Variants in KIF6 observed in about 807,000 individuals in gnomAD.
KIF6 encodes the protein kinesin family member 6.
Under a neutral mutation model 112.7 loss-of-function variants are expected in KIF6, and 106 were observed. The ratio of observed to expected loss-of-function variants is 0.94; its 90% confidence interval spans 0.80 to 1.11. The LOEUF is 1.11. KIF6 is among the 50% of genes least tolerant of loss of function. KIF6 has a pLI of 0.00. For missense variants in KIF6, 929 were observed against 964.0 expected, an observed-to-expected ratio of 0.96 and a Z score of 0.48; for synonymous variants, 339 against 339.9, an observed-to-expected ratio of 1.00 and a Z score of 0.03.
chr6:39,336,631 G>GC, intron 22 of KIF6, 83 bp from the exon 23 acceptor site: 2 of 1,195,990 alleles, frequency 1.7e-6, no homozygotes. Flanking sequence ...GGGAGGGGAG[G>GC]CCACCAGCCA....
chr6:39,362,431 C>A lies in KIF6; in HGVS notation c.1946+3G>T. 6.2e-7 allele frequency: 1 copy of A among 1,611,122 alleles called. No individual in the cohort carries two copies. Among genetic ancestry groups the A allele is most frequent in the Non-Finnish European group, 8.5e-7 (1 of 1,177,348 alleles). On this transcript the variant is annotated splice_donor_region_variant and intron_variant, in intron 17 of 22. Transcript: ENST00000287152. Reference sequence around the variant, plus strand: ...GACTGTGTGTGGCTAAAAGGAAGGGCACCTTCTCTTTTCTTCCTCCAGTTG... The same window carrying A: ...GACTGTGTGTGGCTAAAAGGAAGGGAACCTTCTCTTTTCTTCCTCCAGTTG...
At chr6:39,713,605 C>T (rs566149819) in intron 3 of KIF6, among the ~76,000 whole-genome samples, 6 of 152,074 alleles carry the variant, frequency 3.9e-5, no homozygotes, top group Non-Finnish European at 8.8e-5. Flanking sequence ...ATAAAACACA[C>T]GAAACTAGCT....
At chr6:39,357,234 C>T (rs1411738568) in intron 19 of KIF6, 43 bp downstream of exon 19, 1 of 1,314,694 alleles carries the variant, frequency 7.6e-7, no homozygotes, top group Non-Finnish European at 1.1e-6. Context: ...GGTAGGGAGC[C>T]TTTTCTGGGA....
intron 6 of KIF6, among the ~76,000 whole-genome samples, chr6:39,612,850 G>A (rs1783292092): frequency 6.6e-6 from 1 of 152,152 alleles, no homozygotes; most frequent in African/African-American, 2.4e-5. Flanking sequence ...ATTAAGACAT[G>A]TAATACATTG....
intron 5 of KIF6, among the ~76,000 whole-genome samples, chr6:39,624,905 A>G (rs966937334): frequency 6.6e-6 from 1 of 152,226 alleles, no homozygotes; most frequent in Non-Finnish European, 1.5e-5. Flanking sequence ...CTCCAAATTC[A>G]TATGTTGAAG....
chr6:39,472,361 T>C (rs1774169830), intron 13 of KIF6, among the ~76,000 whole-genome samples: 1 of 152,094 alleles, frequency 6.6e-6, no homozygotes, highest in African/African-American at 2.4e-5. Context: ...TGTCTCGGGG[T>C]GAAAAAATCA....
chr6:39,551,350 G>C (rs1029502108), intron 10 of KIF6, among the ~76,000 whole-genome samples: 3 of 152,128 alleles, frequency 2.0e-5, no homozygotes, highest in African/African-American at 7.2e-5. Context: ...GAAGAGTAGT[G>C]GGGAGAGAGA....
chr6:39,665,811 G>A (rs1026276212), intron 3 of KIF6, among the ~76,000 whole-genome samples: 1 of 151,088 alleles, frequency 6.6e-6, no homozygotes, highest in African/African-American at 2.4e-5. Context: ...TCTATTATTT[G>A]GCATGCACAA....
chr6:39,613,064 A>T, intron 6 of KIF6, 125 bp downstream of exon 6: 1 of 687,768 alleles, frequency 1.5e-6, no homozygotes, highest in Non-Finnish European at 2.1e-6. Flanking sequence ...TGAGGTTTGG[A>T]CGAGATTATT....
chr6:39,372,968 A>G (rs1362378741), intron 16 of KIF6, among the ~76,000 whole-genome samples: 2 of 152,290 alleles, frequency 1.3e-5, no homozygotes, highest in East Asian at 3.9e-4. Flanking sequence ...TCCATTACAC[A>G]TGCAACAGAA....
At chr6:39,448,699 A>G (rs908513857) in intron 13 of KIF6, among the ~76,000 whole-genome samples, 1 of 151,760 alleles carries the variant, frequency 6.6e-6, no homozygotes, top group Non-Finnish European at 1.5e-5. Context: ...TCTGGAGACT[A>G]TTCTCTTTCA....
intron 3 of KIF6, among the ~76,000 whole-genome samples, chr6:39,679,606 T>G (rs1270668395): frequency 7.3e-6 from 1 of 136,294 alleles, no homozygotes; most frequent in Non-Finnish European, 1.5e-5. Flanking sequence ...CAGGGTTTCT[T>G]TTCTTTTCTT....
intron 6 of KIF6, among the ~76,000 whole-genome samples, chr6:39,604,217 C>A (rs1782744123): frequency 6.6e-6 from 1 of 152,184 alleles, no homozygotes; most frequent in African/African-American, 2.4e-5. Flanking sequence ...GGGTTGGCAT[C>A]TTGGCCTTTC....
intron 5 of KIF6, among the ~76,000 whole-genome samples, chr6:39,627,320 C>G (rs1784139934): frequency 6.6e-6 from 1 of 152,136 alleles, no homozygotes; most frequent in Non-Finnish European, 1.5e-5. Context: ...CTCCTGTGAG[C>G]TCTTGTCATT....
chr6:39,443,156 T>TAAAAAAA (rs1181261661), intron 13 of KIF6, among the ~76,000 whole-genome samples: 3 of 113,082 alleles, frequency 2.7e-5, no homozygotes, highest in African/African-American at 1.0e-4. Flanking sequence ...ATAATAATAA[T>TAAAAAAA]AATAAATAAA....
chr6:39,349,586 A>G (rs938012884), intron 19 of KIF6, among the ~76,000 whole-genome samples: 48 of 149,198 alleles, frequency 3.2e-4, no homozygotes, highest in African/African-American at 1.2e-3. Context: ...AAGGAAGAAA[A>G]GGCACTTGCC....
At chr6:39,506,657 C>T (rs1008640958) in intron 13 of KIF6, among the ~76,000 whole-genome samples, 1 of 152,022 alleles carries the variant, frequency 6.6e-6, no homozygotes, top group Non-Finnish European at 1.5e-5. Flanking sequence ...TTTTTGACCC[C>T]AGTTCCTGAT....
intron 13 of KIF6, among the ~76,000 whole-genome samples, chr6:39,456,705 G>A (rs1773136541): frequency 1.2e-5 from 1 of 85,306 alleles, no homozygotes; most frequent in Non-Finnish European, 2.1e-5. Flanking sequence ...AACAAAAAAA[G>A]GCAGGGGTTG....
chr6:39,378,486 C>T lies in KIF6; in HGVS notation c.1861+7136G>A, dbSNP rs1407016534. On this transcript the variant is annotated intron_variant, in intron 16 of 22. Transcript: ENST00000287152. This position sits in a 1 kb window ranked among gnomAD's most constrained non-coding sequence, Gnocchi z 5.0. ...ACATGCCGCATATACACAGCACACA[C>T]GTACATACACAACAGACACACGCAT... Among the ~76,000 whole-genome samples the T allele has an allele frequency of 3.3e-5, 5 of 152,162 alleles. No homozygotes were observed. The highest frequency in any genetic ancestry group is 2.1e-4 in the South Asian group (1 of 4,808).
Sources: gnomAD v4.1 joint callset for allele counts (sites outside exome capture counted in the v4.1 genomes callset) on GRCh38, gnomAD v4.1.1 for gene constraint, Gnocchi (gnomAD v3.1) non-coding constraint, MANE v1.5 for transcripts, NCBI Gene and HGNC (gene_info 2026-07-23, HGNC 2026-07-21) for gene names.